Variants in TMEM100 observed in about 807,000 individuals in gnomAD.
The protein encoded by TMEM100 is transmembrane protein 100.
For synonymous variants in TMEM100, 61 were observed against 67.1 expected, an observed-to-expected ratio of 0.91 and a Z score of 0.44; for missense variants, 137 against 168.2, an observed-to-expected ratio of 0.81 and a Z score of 1.02.
intron 1 of TMEM100, 109 bp from the exon 2 acceptor site, chr17:55,721,244 G>T: frequency 1.4e-6 from 1 of 690,256 alleles, no homozygotes; most frequent in Non-Finnish European, 2.3e-6. Flanking sequence ...AGATCCATGT[G>T]AAAAGCAACT....
upstream of TMEM100, among the ~76,000 whole-genome samples, chr17:55,724,402 T>G (rs1909006603): frequency 6.6e-6 from 1 of 152,172 alleles, no homozygotes; most frequent in Non-Finnish European, 1.5e-5. Context: ...GTCACCATGA[T>G]CCTCACACTT....
chr17:55,720,726 T>C lies in TMEM100; in HGVS notation c.345A>G (p.Lys115=), dbSNP rs1461648957. ...LCWKVRQRSK[K]AKRRESQTAL... ...CTGTTTGACTCTCCCGTCTCTTGGC[T>C]TTCTTGCTCCTTTGTCTCACTTTCC... Residue 115 remains lysine, a synonymous_variant, in exon 2 of 2, where the codon AAA becomes AAG. Transcript: ENST00000424486. 1 of 1,614,156 alleles carries C rather than the reference T, an allele frequency of 6.2e-7. No homozygotes were observed. The highest frequency in any genetic ancestry group is 1.1e-5 in the South Asian group (1 of 91,076).
chr17:55,730,380 T>C (rs1046878459), intron 1 of TMEM100, among the ~76,000 whole-genome samples: 2 of 152,186 alleles, frequency 1.3e-5, no homozygotes, highest in African/African-American at 4.8e-5. Context: ...TAAATAGTAA[T>C]TTATAAATGA....
rs1462702526 is a variant in TMEM100, at chr17:55,720,811, A to G, written c.260T>C (p.Ile87Thr). The change falls in exon 2 of 2, where the codon ATC (isoleucine) becomes ACC (threonine). Residue 87 changes from isoleucine (I) to threonine (T), a missense_variant. Ile to Thr is a moderately conservative substitution (Grantham distance 89, BLOSUM62 -1). Transcript: ENST00000424486. ...SFNSHGSIIS[I>T]FGLVVLSSGL... ...AGATGACAGAACAACCAGGCCAAAG[A>G]TGGAGATAATAGACCCATGGGAATT... 13 of 1,614,112 alleles carry G rather than the reference A, an allele frequency of 8.1e-6. No individual in the cohort carries two copies. The highest frequency in any genetic ancestry group is 1.7e-5 in the Admixed American group (1 of 60,000).
chr17:55,722,197 G>T (rs576256299), intron 1 of TMEM100, among the ~76,000 whole-genome samples: 2 of 152,322 alleles, frequency 1.3e-5, no homozygotes, highest in African/African-American at 4.8e-5. Flanking sequence ...CTCAGACATG[G>T]TTGAGTCACT....
rs994105424 is a variant in TMEM100, at chr17:55,721,185, T to C, written c.-65-50A>G. 5.7e-5 allele frequency: 72 copies of C among 1,274,156 alleles called. No individual in the cohort carries two copies. The African/African-American group carries it at 9.4e-4, about 17-fold the overall frequency. The allele number at this position is 1,274,156 out of a possible 1,614,324, so 78.9% of individuals were successfully genotyped here. A position where few individuals can be genotyped will look rare whatever the true frequency, so the allele number is the denominator to read the frequency against. On this transcript the variant is annotated intron_variant, in intron 1 of 1. Transcript: ENST00000424486. ...GCTACATGTATCAGAATGTACACCC[T>C]GTAAGCAGAAATGAAAAGCTGGGGA...
At chr17:55,729,780 T>C (rs1909158425) in intron 1 of TMEM100, among the ~76,000 whole-genome samples, 1 of 152,222 alleles carries the variant, frequency 6.6e-6, no homozygotes, top group Non-Finnish European at 1.5e-5. Flanking sequence ...AAAGAATTTA[T>C]TGATGATACA....
upstream of TMEM100, among the ~76,000 whole-genome samples, chr17:55,723,530 G>A (rs1197133260): frequency 2.0e-5 from 3 of 152,126 alleles, no homozygotes; most frequent in African/African-American, 7.2e-5. Context: ...CATTTATAGA[G>A]CACCTACTGT....
At chr17:55,729,291 A>G (rs979807441) in intron 1 of TMEM100, among the ~76,000 whole-genome samples, 1 of 152,228 alleles carries the variant, frequency 6.6e-6, no homozygotes, top group Non-Finnish European at 1.5e-5. Context: ...AATCACTGCA[A>G]TGGTAGAATC....
At chr17:55,728,372 G>T (rs1422551868) in intron 1 of TMEM100, among the ~76,000 whole-genome samples, 1 of 152,142 alleles carries the variant, frequency 6.6e-6, no homozygotes, top group Non-Finnish European at 1.5e-5. Flanking sequence ...CTGAAAAGGG[G>T]TGCCTACTGC....
chr17:55,727,549 G>A (rs1425420953), upstream of TMEM100, among the ~76,000 whole-genome samples: 1 of 152,142 alleles, frequency 6.6e-6, no homozygotes, highest in African/African-American at 2.4e-5. Flanking sequence ...GTTTACAGGA[G>A]AAATCTCCCC....
chr17:55,729,621 C>T (rs1909153381), intron 1 of TMEM100, among the ~76,000 whole-genome samples: 1 of 152,056 alleles, frequency 6.6e-6, no homozygotes. Flanking sequence ...TTATAATTCA[C>T]TTCATTCCAT....
upstream of TMEM100, among the ~76,000 whole-genome samples, chr17:55,723,296 T>C (rs767965899): frequency 5.3e-5 from 7 of 131,632 alleles, no homozygotes; most frequent in Non-Finnish European, 8.9e-5. Flanking sequence ...CAAAAATCCA[T>C]GTTCCTAGGT....
chr17:55,719,917 T>C lies in TMEM100; in HGVS notation c.*749A>G, dbSNP rs549772070. 153 of 152,778 alleles carry C rather than the reference T, an allele frequency of 1.0e-3. No homozygotes were observed. Among genetic ancestry groups the C allele is most frequent in the Middle Eastern group, 3.4e-3 (1 of 294 alleles). The allele number at this position is 152,778 out of a possible 1,614,324, so 9.5% of individuals were successfully genotyped here. A position where few individuals can be genotyped will look rare whatever the true frequency, so the allele number is the denominator to read the frequency against. On this transcript the variant is annotated 3_prime_UTR_variant, in exon 2 of 2. Transcript: ENST00000424486. Reference sequence around the variant, plus strand: ...GCAGAAACAACCATTTAAGAAGTTTTAGCAGCAATAAGTATTTATTATTCT... The same window carrying C: ...GCAGAAACAACCATTTAAGAAGTTTCAGCAGCAATAAGTATTTATTATTCT...
chr17:55,724,476 G>C (rs1909010096), upstream of TMEM100, among the ~76,000 whole-genome samples: 1 of 152,118 alleles, frequency 6.6e-6, no homozygotes, highest in Non-Finnish European at 1.5e-5. Context: ...TGGTGTTGAG[G>C]GTCAGGAATA....
chr17:55,722,252 A>C (rs750612889), intron 1 of TMEM100, among the ~76,000 whole-genome samples: 5 of 152,232 alleles, frequency 3.3e-5, no homozygotes, highest in Non-Finnish European at 7.3e-5. Flanking sequence ...ACAGTTGAGC[A>C]GTTGTAGTTA....
upstream of TMEM100, among the ~76,000 whole-genome samples, chr17:55,726,520 C>T (rs1432036302): frequency 2.0e-5 from 3 of 152,194 alleles, no homozygotes; most frequent in African/African-American, 7.2e-5. Context: ...TTTTGTGAAG[C>T]ATGCCCCCAT....
At position 55,720,883 on chromosome 17, in the gene TMEM100, A is replaced by G. The variant is rs1597953506; in HGVS notation, c.188T>C (p.Val63Ala). 1 of 1,614,208 alleles carries G rather than the reference A, an allele frequency of 6.2e-7. No homozygotes were observed. The highest frequency in any genetic ancestry group is 8.5e-7 in the Non-Finnish European group (1 of 1,180,038). Reference sequence around the variant, plus strand: ...GACCACGATGCCGGCGATGAAGACAACCACAGCAAAGGGGATGATGCAGCG... The same window carrying G: ...GACCACGATGCCGGCGATGAAGACAGCCACAGCAAAGGGGATGATGCAGCG... ...CYRCIIPFAV[V>A]VFIAGIVVTA... The change falls in exon 2 of 2, where the codon GTT (valine) becomes GCT (alanine). Residue 63 changes from valine (V) to alanine (A), a missense_variant. Transcript: ENST00000424486.
At chr17:55,726,055 A>C (rs73990924), upstream of TMEM100, among the ~76,000 whole-genome samples, 1,347 of 152,290 alleles carry the variant, frequency 8.8e-3, 25 homozygotes, top group African/African-American at 0.03. Flanking sequence ...ATTAGTGGTG[A>C]GAATGGCATT....
Sources: allele counts gnomAD v4.1 joint callset (sites outside exome capture counted in the v4.1 genomes callset), GRCh38; gene constraint gnomAD v4.1.1; transcripts MANE v1.5; gene names NCBI Gene and HGNC (gene_info 2026-07-23, HGNC 2026-07-21).